DCAF8L2: variants seen among roughly 807,000 people sequenced by gnomAD.
DCAF8L2 encodes the protein DDB1 and CUL4 associated factor 8 like 2, also known as DDB1- and CUL4-associated factor 8-like protein 2.
For synonymous variants in DCAF8L2, 200 were observed against 190.9 expected (o/e 1.05, Z -0.39); for missense variants, 430 against 490.7 (o/e 0.88, Z 1.17).
the DCAF8L2 span, among the ~76,000 whole-genome samples, chrX:27,543,564 C>T: frequency 0.096 from 10,627 of 111,232 alleles, 405 homozygotes; most frequent in Non-Finnish European, 0.12. Flanking sequence ...GTATTTTATC[C>T]TTCTGGGTAT....
At chrX:27,656,213 G>A (rs1411689976) in intron 2 of DCAF8L2, among the ~76,000 whole-genome samples, 2 of 112,199 alleles carry the variant, frequency 1.8e-5, no homozygotes, top group Non-Finnish European at 3.8e-5. Context: ...CCTTGGAGAA[G>A]TAGCAGATTG....
chrX:27,540,200 C>T, the DCAF8L2 span, among the ~76,000 whole-genome samples: 32 of 111,681 alleles, frequency 2.9e-4, no homozygotes, highest in East Asian at 4.5e-3. Context: ...ATTTTATAGG[C>T]TTCTCTTACT....
chrX:27,565,263 G>A, the DCAF8L2 span, among the ~76,000 whole-genome samples: 1 of 110,651 alleles, frequency 9.0e-6, no homozygotes, highest in African/African-American at 3.3e-5. Flanking sequence ...AATCATAAAT[G>A]GATGTTGAAC....
In DCAF8L2 at chrX:27,693,548, A is replaced by G. The variant is rs760247840; in HGVS notation, c.-143+15636A>G. On this transcript the variant is annotated intron_variant, in intron 3 of 4. Transcript: ENST00000451261. Reference sequence around the variant, plus strand: ...TCCTGTCCATATAGAAACCTGTTCTATAATTTTATCATATTTTTAATAATT... The same window carrying G: ...TCCTGTCCATATAGAAACCTGTTCTGTAATTTTATCATATTTTTAATAATT... 9.9e-5 allele frequency among the ~76,000 whole-genome samples: 11 copies of G among 111,469 alleles called. No homozygotes were observed. The East Asian group carries it at 2.8e-3, about 28-fold the overall frequency.
intron 4 of DCAF8L2, among the ~76,000 whole-genome samples, chrX:27,722,568 T>C (rs1185243176): frequency 9.0e-6 from 1 of 111,686 alleles, no homozygotes; most frequent in Non-Finnish European, 1.9e-5. Flanking sequence ...GTGTGGTTTC[T>C]ACTGAATGTG....
chrX:27,615,342 A>G (rs923316794), intron 1 of DCAF8L2, among the ~76,000 whole-genome samples: 1 of 111,972 alleles, frequency 8.9e-6, no homozygotes, highest in South Asian at 3.6e-4. Flanking sequence ...GAACATAATG[A>G]ATCAATGTAA....
the DCAF8L2 span, chrX:27,519,239 A>G: frequency 1.0e-6 from 1 of 975,813 alleles, no homozygotes; most frequent in Non-Finnish European, 1.5e-6. Flanking sequence ...ATTAAAGCCC[A>G]GAAATAACTA....
At chrX:27,556,519 T>A in the DCAF8L2 span, among the ~76,000 whole-genome samples, 1 of 112,161 alleles carries the variant, frequency 8.9e-6, no homozygotes, top group East Asian at 2.8e-4. Context: ...GGTCTAGTTG[T>A]TTGTGGATTA....
the DCAF8L2 span, among the ~76,000 whole-genome samples, chrX:27,572,475 T>C: frequency 8.9e-6 from 1 of 111,944 alleles, no homozygotes; most frequent in African/African-American, 3.2e-5. Context: ...GGAGTTAAAA[T>C]GCAATTTTTT....
chrX:27,677,993 A>T (rs1482790010), intron 3 of DCAF8L2, 81 bp downstream of exon 3: 2 of 111,546 alleles, frequency 1.8e-5, no homozygotes, highest in Admixed American at 9.6e-5. Flanking sequence ...TTCTAGACAT[A>T]TGATTATAGA....
Position 27,643,945 on chromosome X carries a change from C to T in DCAF8L2, c.-220+11945C>T, listed in dbSNP as rs190725108. Among the ~76,000 whole-genome samples, 33 of 111,762 alleles carry T rather than the reference C, an allele frequency of 3.0e-4. 1 individual carries two copies. The highest frequency in any genetic ancestry group is 2.7e-3 in the Admixed American group (29 of 10,579). On this transcript the variant is annotated intron_variant, in intron 2 of 4. Transcript: ENST00000451261. ...AGGATCTATATTCTCCAGAGTTTTT[C>T]TTGAACCTCATAAAAACGTCCCAAT...
At chrX:27,632,445 C>A (rs1928329001) in intron 2 of DCAF8L2, 2 of 111,069 alleles carry the variant, frequency 1.8e-5, no homozygotes, top group African/African-American at 6.6e-5. Flanking sequence ...CCTGCAAGAC[C>A]CTACATGGTT....
At position 27,716,152 on chromosome X, in the gene DCAF8L2, T is replaced by G. The variant is rs976829237; in HGVS notation, c.-78T>G. On this transcript the variant is annotated 5_prime_UTR_variant, in exon 4 of 5. Coordinates refer to ENST00000451261, the MANE Select transcript of DCAF8L2 (RefSeq NM_001353450.2). ...ACGGTGTGGAATCAGTGGGGAAATC[T>G]CTAATTGCTACTGACACAGGTGAGT... 8.9e-6 allele frequency: 1 copy of G among 111,985 alleles called. No individual in the cohort carries two copies. The highest frequency in any genetic ancestry group is 3.3e-5 in the African/African-American group (1 of 30,741). The allele number at this position is 111,985 out of a possible 1,213,427, so 9.2% of individuals were successfully genotyped here. A position where few individuals can be genotyped will look rare whatever the true frequency, so the allele number is the denominator to read the frequency against.
At chrX:27,608,746 C>G (rs1404675651) in intron 1 of DCAF8L2, among the ~76,000 whole-genome samples, 2 of 109,410 alleles carry the variant, frequency 1.8e-5, no homozygotes, top group East Asian at 5.7e-4. Flanking sequence ...GAAGAAGGTT[C>G]CTTCTCTGGC....
intron 4 of DCAF8L2, among the ~76,000 whole-genome samples, chrX:27,717,053 G>A (rs916728996): frequency 1.8e-5 from 2 of 112,044 alleles, no homozygotes; most frequent in African/African-American, 6.5e-5. Flanking sequence ...TCCCTGCAAA[G>A]GACATGATCT....
chrX:27,564,037 AT>A, the DCAF8L2 span, among the ~76,000 whole-genome samples: 1 of 112,035 alleles, frequency 8.9e-6, no homozygotes, highest in Non-Finnish European at 1.9e-5. Context: ...GTCCGTTTTC[AT>A]GCTGCTAATA....
the DCAF8L2 span, among the ~76,000 whole-genome samples, chrX:27,513,958 G>A: frequency 4.3e-4 from 48 of 111,786 alleles, no homozygotes; most frequent in East Asian, 0.012. Context: ...GTTCCTCAAA[G>A]AATTAAAAAT....
At chrX:27,540,357 T>C in the DCAF8L2 span, among the ~76,000 whole-genome samples, 1 of 111,895 alleles carries the variant, frequency 8.9e-6, no homozygotes, top group African/African-American at 3.2e-5. Context: ...TCCCTGTCCA[T>C]ATGCTCCCAG....
At chrX:27,492,485 T>TG in the DCAF8L2 span, among the ~76,000 whole-genome samples, 1 of 107,953 alleles carries the variant, frequency 9.3e-6, no homozygotes, top group African/African-American at 3.4e-5. Flanking sequence ...TTCTTTCTTT[T>TG]TTTTTTTTTT....
Sources: gnomAD v4.1 joint callset for allele counts (sites outside exome capture counted in the v4.1 genomes callset) on GRCh38, gnomAD v4.1.1 for gene constraint, MANE v1.5 for transcripts, NCBI Gene and HGNC (gene_info 2026-07-23, HGNC 2026-07-21) for gene names.